Variants in MGAT4A observed in about 807,000 individuals in gnomAD.
The protein encoded by MGAT4A is N-acetylglucosaminyltransferase IVa.
Under a neutral mutation model 74.1 loss-of-function variants are expected in MGAT4A, and 33 were observed. The observed-to-expected ratio is 0.45, with a 90% confidence interval of 0.34 to 0.60. The LOEUF is 0.60. Ranked by LOEUF, MGAT4A falls within the 20% of genes least tolerant of loss-of-function variation. The probability of loss-of-function intolerance (pLI) is 0.02; values close to 1 mark genes in which losing one functional copy is unlikely to be tolerated. For synonymous variants in MGAT4A, 198 were observed against 210.4 expected (o/e 0.94, Z 0.51); for missense variants, 479 against 628.3 (o/e 0.76, Z 2.54).
At chr2:98,668,346 G>C (rs1168813059) in intron 4 of MGAT4A, among the ~76,000 whole-genome samples, 1 of 152,234 alleles carries the variant, frequency 6.6e-6, no homozygotes, top group Non-Finnish European at 1.5e-5. Flanking sequence ...ACTAAAAGGA[G>C]CCAAGGTACA....
In MGAT4A at chr2:98,634,809, C is replaced by T. The variant is rs186506739; in HGVS notation, c.1468+413G>A. Among the ~76,000 whole-genome samples the T allele has an allele frequency of 3.3e-3, 499 of 150,806 alleles. 2 individuals are homozygous for T. Among genetic ancestry groups the T allele is most frequent in the Admixed American group, 0.012 (176 of 15,062 alleles). ...GTGTGTTACAGACGCTTGTGGTAGA[C>T]GGCTATGTGGCTGCCAGGTATAAGG... is the stretch of plus-strand genomic sequence containing the variant. On this transcript the variant is annotated intron_variant, in intron 14 of 15. Transcript: ENST00000393487.
intron 2 of MGAT4A, among the ~76,000 whole-genome samples, chr2:98,709,601 C>G (rs568293731): frequency 2.6e-5 from 4 of 152,194 alleles, no homozygotes; most frequent in Admixed American, 2.6e-4. Flanking sequence ...TGGTAGCCAA[C>G]CACTGGACAT....
chr2:98,673,443 G>A (rs913072915), intron 4 of MGAT4A, among the ~76,000 whole-genome samples: 17 of 152,268 alleles, frequency 1.1e-4, no homozygotes, highest in African/African-American at 3.8e-4. Context: ...AAAAGGTCCT[G>A]TAACTAAAAA....
chr2:98,625,471 G>T lies in MGAT4A; in HGVS notation c.*95C>A. 6.4e-7 allele frequency: 1 copy of T among 1,561,576 alleles called. No homozygotes were observed. The highest frequency in any genetic ancestry group is 2.3e-5 in the East Asian group (1 of 43,936). On this transcript the variant is annotated 3_prime_UTR_variant, in exon 16 of 16. Transcript: ENST00000393487. ...GTCTTATCTACAGTAGACTTCACAA[G>T]AGGTAGTGTTCAAGTAGAAATAAAA... is the stretch of plus-strand genomic sequence containing the variant.
chr2:98,637,900 G>A (rs371514849), intron 12 of MGAT4A, among the ~76,000 whole-genome samples: 18 of 152,242 alleles, frequency 1.2e-4, no homozygotes, highest in African/African-American at 3.4e-4. Context: ...CAGTTACAGC[G>A]GTGGGCCAGT....
intron 8 of MGAT4A, among the ~76,000 whole-genome samples, chr2:98,651,547 GTATC>G (rs1701578187): frequency 6.6e-6 from 1 of 151,928 alleles, no homozygotes; most frequent in African/African-American, 2.4e-5. Flanking sequence ...TACAAAATGA[GTATC>G]TATTGAATAT....
intron 7 of MGAT4A, 83 bp downstream of exon 7, chr2:98,656,269 T>A: frequency 9.8e-7 from 1 of 1,020,912 alleles, no homozygotes; most frequent in South Asian, 1.4e-5. Context: ...CTCTAAAATG[T>A]TTTCAGCTTC....
chr2:98,637,567 C>A (rs1487059270), intron 12 of MGAT4A, among the ~76,000 whole-genome samples: 1 of 152,032 alleles, frequency 6.6e-6, no homozygotes, highest in Non-Finnish European at 1.5e-5. Context: ...AGTAAGTATG[C>A]GTATGCGTTC....
At chr2:98,660,394 A>C (rs1575255899) in intron 5 of MGAT4A, among the ~76,000 whole-genome samples, 1 of 39,856 alleles carries the variant, frequency 2.5e-5, no homozygotes. Context: ...ATATATAACC[A>C]CACACACACA....
At chr2:98,702,412 A>G (rs1429915238) in intron 2 of MGAT4A, among the ~76,000 whole-genome samples, 2 of 152,210 alleles carry the variant, frequency 1.3e-5, no homozygotes, top group African/African-American at 4.8e-5. Flanking sequence ...TGGAGACTTA[A>G]TAGGGAGGCC....
chr2:98,629,694 C>G (rs1024776399), intron 14 of MGAT4A, among the ~76,000 whole-genome samples: 1 of 152,146 alleles, frequency 6.6e-6, no homozygotes, highest in Non-Finnish European at 1.5e-5. Flanking sequence ...AAATAAATTA[C>G]AATATGCTGA....
chr2:98,625,807 T>TC lies in MGAT4A; in HGVS notation c.1496dup (p.Met500AsnfsTer27). On this transcript the variant is annotated frameshift_variant, in exon 15 of 16. Transcript: ENST00000393487. LOFTEE classifies it high-confidence loss of function. ...TGGGATTGAGACTTGGATCCACCATTCCTTCTGCAACACCATTCTCAAATT... is the reference window on the plus strand; with the variant it reads ...TGGGATTGAGACTTGGATCCACCATTCCCTTCTGCAACACCATTCTCAAATT... 6.2e-7 allele frequency: 1 copy of TC among 1,611,488 alleles called. No homozygotes were observed. The highest frequency in any genetic ancestry group is 8.5e-7 in the Non-Finnish European group (1 of 1,178,032).
chr2:98,697,970 A>G (rs973493151), intron 2 of MGAT4A, among the ~76,000 whole-genome samples: 2 of 152,224 alleles, frequency 1.3e-5, no homozygotes, highest in African/African-American at 4.8e-5. Context: ...TTTTTCATTG[A>G]CTTGATCATT....
At chr2:98,711,710 C>T (rs1285241399) in intron 2 of MGAT4A, among the ~76,000 whole-genome samples, 12 of 152,120 alleles carry the variant, frequency 7.9e-5, no homozygotes, top group Admixed American at 7.9e-4. Flanking sequence ...AATCATGGCT[C>T]ACTGCAGCCT....
intron 2 of MGAT4A, among the ~76,000 whole-genome samples, chr2:98,682,517 A>C (rs1021684252): frequency 6.6e-6 from 1 of 152,094 alleles, no homozygotes; most frequent in Non-Finnish European, 1.5e-5. Flanking sequence ...TAAAACTAAC[A>C]GGTGAAAGTC....
Position 98,640,021 on chromosome 2 carries a change from T to C in MGAT4A, c.1129-20A>G, listed in dbSNP as rs200862808. On this transcript the variant is annotated intron_variant, in intron 11 of 15. Coordinates refer to ENST00000393487, the MANE Select transcript of MGAT4A (RefSeq NM_012214.3). ...TTTATCCTGGGAGCAAAGACATATA[T>C]GCTATTAAATAATACACAGCTTATT... 5.0e-6 allele frequency: 8 copies of C among 1,590,882 alleles called. No individual in the cohort carries two copies. The South Asian group carries it at 5.6e-5, about 11-fold the overall frequency.
At chr2:98,719,657 A>G in intron 2 of MGAT4A, among the ~76,000 whole-genome samples, 1 of 152,012 alleles carries the variant, frequency 6.6e-6, no homozygotes. Context: ...ATTTATTTTT[A>G]TTTTTTAAGA....
At chr2:98,632,793 G>A (rs930573350) in intron 14 of MGAT4A, among the ~76,000 whole-genome samples, 1 of 152,070 alleles carries the variant, frequency 6.6e-6, no homozygotes, top group African/African-American at 2.4e-5. Context: ...GAGACAGAGT[G>A]GCCCAGGCTG....
At chr2:98,648,858 C>T (rs1701535310) in intron 8 of MGAT4A, among the ~76,000 whole-genome samples, 1 of 152,006 alleles carries the variant, frequency 6.6e-6, no homozygotes, top group Non-Finnish European at 1.5e-5. Context: ...TAGCAATACT[C>T]CCATCTCTAC....
Sources: allele counts gnomAD v4.1 joint callset (sites outside exome capture counted in the v4.1 genomes callset), GRCh38; gene constraint gnomAD v4.1.1; transcripts MANE v1.5; gene names NCBI Gene and HGNC (gene_info 2026-07-23, HGNC 2026-07-21).